The following RHBDL2 variants were observed in gnomAD, a reference collection of about 807,000 sequenced individuals.
RHBDL2 encodes rhomboid-related protein 2.
In RHBDL2, 26 loss-of-function variants were observed where a neutral mutation model predicts 31.7. The ratio of observed to expected loss-of-function variants is 0.82; its 90% confidence interval spans 0.60 to 1.14. The LOEUF (loss-of-function observed/expected upper bound fraction) is 1.14. Ranked by LOEUF, RHBDL2 falls within the 50% of genes most tolerant of loss-of-function variation. The probability of loss-of-function intolerance (pLI) is 0.00; values close to 1 mark genes in which losing one functional copy is unlikely to be tolerated. For synonymous variants in RHBDL2, 123 were observed against 127.2 expected (o/e 0.97, Z 0.22); for missense variants, 336 against 364.4 (o/e 0.92, Z 0.63).
At chr1:38,936,664 T>TA (rs1327672197) in intron 1 of RHBDL2, among the ~76,000 whole-genome samples, 1 of 152,066 alleles carries the variant, frequency 6.6e-6, no homozygotes, top group African/African-American at 2.4e-5. Context: ...CACCCCCAGC[T>TA]AATTTTTGCA....
Position 38,889,011 on chromosome 1 carries a change from AT to A in RHBDL2, c.671-988del, listed in dbSNP as rs571299821. 2.0e-5 allele frequency among the ~76,000 whole-genome samples: 3 copies of A among 152,272 alleles called. No homozygotes were observed. The South Asian group carries it at 6.2e-4, about 32-fold the overall frequency. On this transcript the variant is annotated intron_variant, in intron 6 of 7. Transcript: ENST00000372990. ...GCAGGGGACAGATTATGTAGGGTCT[AT>A]ATGGGCCATTGTAAGGACTTCAACC...
At chr1:38,910,671 G>C in intron 4 of RHBDL2, among the ~76,000 whole-genome samples, 1 of 151,808 alleles carries the variant, frequency 6.6e-6, no homozygotes, top group East Asian at 1.9e-4. Flanking sequence ...TGACATATAA[G>C]GGCCTCCATG....
intron 4 of RHBDL2, among the ~76,000 whole-genome samples, chr1:38,902,994 A>G (rs1643015206): frequency 6.6e-6 from 1 of 152,240 alleles, no homozygotes; most frequent in Non-Finnish European, 1.5e-5. Flanking sequence ...AGACAACATA[A>G]TAATCTATGT....
chr1:38,935,583 T>C (rs902570582), intron 1 of RHBDL2, among the ~76,000 whole-genome samples: 3 of 152,144 alleles, frequency 2.0e-5, no homozygotes, highest in Non-Finnish European at 2.9e-5. Context: ...TAGAAGAGTG[T>C]CTGGCACATA....
At chr1:38,924,782 CTT>C (rs111244874) in intron 1 of RHBDL2, among the ~76,000 whole-genome samples, 31 of 125,788 alleles carry the variant, frequency 2.5e-4, no homozygotes, top group Middle Eastern at 4.5e-3. Flanking sequence ...TTTCTTTTTT[CTT>C]TTTTTTTTTT....
rs1042795680 is a variant in RHBDL2 at position 38,941,735 on chromosome 1, C to G, written c.-179G>C. ...GCCCACGCCCTCCGGTCCTTGCGTT[C>G]CAGGCTTCCTGGGCCAAGGGGTTGC... is the stretch of plus-strand genomic sequence containing the variant. On this transcript the variant is annotated 5_prime_UTR_variant, in exon 1 of 8. Coordinates refer to ENST00000372990, the MANE Select transcript of RHBDL2 (RefSeq NM_017821.5). 6.6e-6 allele frequency: 1 copy of G among 152,596 alleles called. No individual in the cohort carries two copies. The highest frequency in any genetic ancestry group is 1.5e-5 in the Non-Finnish European group (1 of 68,368). The allele number at this position is 152,596 out of a possible 1,614,324, so 9.5% of individuals were successfully genotyped here.
In RHBDL2 at chr1:38,919,154, A is replaced by G. The variant is rs147715012; in HGVS notation, c.59T>C (p.Met20Thr). 12,380 of 1,613,430 alleles carry G rather than the reference A, an allele frequency of 7.7e-3. 75 individuals are homozygous for G. The highest frequency in any genetic ancestry group is 9.0e-3 in the Non-Finnish European group (10,561 of 1,179,918). Residue 20 changes from methionine to threonine, a missense_variant, in exon 2 of 8, where the codon ATG (methionine) becomes ACG (threonine). By Grantham distance (81) the Met-to-Thr change is moderately conservative (BLOSUM62 -1). Transcript: ENST00000372990. Reference sequence around the variant, plus strand: ...CTCCTCTTCCTCCAGCTCTTCTTTCATCTCTCTCCCCATATTCAGATTCAT... The same window carrying G: ...CTCCTCTTCCTCCAGCTCTTCTTTCGTCTCTCTCCCCATATTCAGATTCAT... ...ESMNLNMGRE[M>T]KEELEEEEKM...
chr1:38,929,811 C>A (rs1643420936), intron 1 of RHBDL2, among the ~76,000 whole-genome samples: 1 of 152,226 alleles, frequency 6.6e-6, no homozygotes, highest in South Asian at 2.1e-4. Context: ...ATGCCAGAGG[C>A]CTGCAGCAAT....
chr1:38,891,745 C>T (rs1408583913), intron 6 of RHBDL2, among the ~76,000 whole-genome samples: 3 of 152,256 alleles, frequency 2.0e-5, no homozygotes, highest in African/African-American at 7.2e-5. Flanking sequence ...TCCCTTCCCA[C>T]AGACATAGTT....
chr1:38,934,956 G>A (rs1311666156), intron 1 of RHBDL2, among the ~76,000 whole-genome samples: 3 of 17,248 alleles, frequency 1.7e-4, no homozygotes, highest in East Asian at 1.4e-3. Flanking sequence ...AGGCTCAGTC[G>A]CAAAAAAAAA....
intron 3 of RHBDL2, among the ~76,000 whole-genome samples, chr1:38,911,661 T>C (rs537836810): frequency 1.9e-4 from 28 of 150,968 alleles, no homozygotes; most frequent in Admixed American, 3.3e-4. Context: ...CGCGCGCGCG[T>C]GTGTGACTTG....
chr1:38,910,597 A>C (rs1010314964), intron 4 of RHBDL2, among the ~76,000 whole-genome samples: 6 of 152,168 alleles, frequency 3.9e-5, no homozygotes, highest in East Asian at 3.9e-4. Context: ...TATTCTCTAC[A>C]TTCTCTTAAA....
At chr1:38,939,662 A>C (rs562469113) in intron 1 of RHBDL2, among the ~76,000 whole-genome samples, 2 of 152,080 alleles carry the variant, frequency 1.3e-5, no homozygotes, top group African/African-American at 2.4e-5. Flanking sequence ...CAAAAAAAAA[A>C]CCAAGTAGCT....
chr1:38,908,086 A>T (rs1643090268), intron 4 of RHBDL2, among the ~76,000 whole-genome samples: 1 of 151,892 alleles, frequency 6.6e-6, no homozygotes, highest in Non-Finnish European at 1.5e-5. Flanking sequence ...GAGACATTTC[A>T]CTAAAGAAGA....
intron 4 of RHBDL2, among the ~76,000 whole-genome samples, chr1:38,904,068 C>A (rs1315384724): frequency 1.3e-5 from 2 of 152,150 alleles, no homozygotes; most frequent in African/African-American, 2.4e-5. Context: ...CTTCCCCTTG[C>A]AAAAATACCA....
chr1:38,927,471 G>A (rs905274837), intron 1 of RHBDL2, among the ~76,000 whole-genome samples: 1 of 152,016 alleles, frequency 6.6e-6, no homozygotes, highest in Non-Finnish European at 1.5e-5. Flanking sequence ...CTTTTCCTCT[G>A]CAAGGCCGCA....
intron 4 of RHBDL2, among the ~76,000 whole-genome samples, chr1:38,906,933 CA>C (rs1390547567): frequency 6.6e-6 from 1 of 151,962 alleles, no homozygotes; most frequent in Non-Finnish European, 1.5e-5. Context: ...TATGGAAAGG[CA>C]AAGGAATTAA....
intron 1 of RHBDL2, among the ~76,000 whole-genome samples, chr1:38,920,922 T>C (rs535925909): frequency 1.3e-5 from 2 of 152,244 alleles, no homozygotes; most frequent in East Asian, 3.9e-4. Flanking sequence ...GCACAAGTTT[T>C]CTTTAAACAT....
chr1:38,892,807 C>T (rs530415494), intron 6 of RHBDL2, among the ~76,000 whole-genome samples: 14 of 152,294 alleles, frequency 9.2e-5, no homozygotes, highest in Non-Finnish European at 7.3e-5. Context: ...GCCGAAACTA[C>T]CTGTTCTAAC....
Sources: gnomAD v4.1 joint callset for allele counts (sites outside exome capture counted in the v4.1 genomes callset) on GRCh38, gnomAD v4.1.1 for gene constraint, MANE v1.5 for transcripts, NCBI Gene and HGNC (gene_info 2026-07-23, HGNC 2026-07-21) for gene names.